The following TMEM230 variants were observed in gnomAD, a reference collection of about 807,000 sequenced individuals.
TMEM230 encodes the protein transmembrane protein 230, also known as UPF0414 transmembrane protein C20orf30.
In TMEM230, 10 loss-of-function variants were observed where a neutral mutation model predicts 15.8. The ratio of observed to expected loss-of-function variants is 0.63; its 90% CI spans 0.39 to 1.07. The LOEUF (loss-of-function observed/expected upper bound fraction) is 1.07. Ranked by LOEUF, TMEM230 falls within the 50% of genes least tolerant of loss-of-function variation. The pLI is 0.01. For synonymous variants in TMEM230, 67 were observed against 76.9 expected (o/e 0.87, Z 0.68); for missense variants, 165 against 193.3 (o/e 0.85, Z 0.87).
chr20:5,088,910 G>A (rs1420358537), intron 3 of TMEM230, among the ~76,000 whole-genome samples: 1 of 152,234 alleles, frequency 6.6e-6, no homozygotes, highest in Non-Finnish European at 1.5e-5. Flanking sequence ...GTTCATCTGA[G>A]TGTGGGTGGG....
chr20:5,084,190 C>T (rs753102068), intron 3 of TMEM230, among the ~76,000 whole-genome samples: 18 of 151,224 alleles, frequency 1.2e-4, no homozygotes, highest in Non-Finnish European at 2.7e-4. Flanking sequence ...AGAACACGAT[C>T]TTATTCTTTT....
chr20:5,113,055 G>A lies in TMEM230; in HGVS notation c.-27C>T, dbSNP rs1441653400. 1.9e-6 allele frequency: 3 copies of A among 1,542,498 alleles called. No homozygotes were observed. In the South Asian group the frequency reaches 3.6e-5, roughly 18 times the overall value. ...GCATGGCCCGCTTAAGTGCCACTCA[G>A]CCGGCCCCAGGCGGGATCAGTGCGC... is the stretch of plus-strand genomic sequence containing the variant. On this transcript the variant is annotated 5_prime_UTR_variant, in exon 1 of 5. Transcript: ENST00000342308.
Position 5,100,756 on chromosome 20 carries a change from T to G in TMEM230, c.*35A>C, listed in dbSNP as rs2089820779. The G allele has an allele frequency of 2.5e-6, 4 of 1,611,008 alleles. No homozygotes were observed. The highest frequency in any genetic ancestry group is 3.4e-6 in the Non-Finnish European group (4 of 1,179,064). Reference sequence around the variant, plus strand: ...CTAGATATCTTAAAGCTGGGACAGTTCCACTGTGACTCCTCCTCAGCTATG... The same window carrying G: ...CTAGATATCTTAAAGCTGGGACAGTGCCACTGTGACTCCTCCTCAGCTATG... On this transcript the variant is annotated 3_prime_UTR_variant, in exon 5 of 5. Transcript: ENST00000342308.
rs564941490 is a variant in TMEM230 at position 5,107,425 on chromosome 20, T to C, written c.289-1115A>G. 8.6e-4 allele frequency among the ~76,000 whole-genome samples: 131 copies of C among 152,190 alleles called. 1 individual carries two copies. The highest frequency in any genetic ancestry group is 3.0e-3 in the African/African-American group (125 of 41,558). On this transcript the variant is annotated intron_variant, in intron 3 of 4. Transcript: ENST00000342308. ...AAAAGGGACTGGCAAGAGATGAAGC[T>C]CTAGTTATTGCTCTCACAGTTACTC... is the stretch of plus-strand genomic sequence containing the variant.
chr20:5,088,484 T>TG (rs1259912973), intron 3 of TMEM230, among the ~76,000 whole-genome samples: 1 of 151,776 alleles, frequency 6.6e-6, no homozygotes, highest in Non-Finnish European at 1.5e-5. Flanking sequence ...AGCAATCAGG[T>TG]GGTTTTTTTA....
intron 3 of TMEM230, among the ~76,000 whole-genome samples, chr20:5,083,817 T>C (rs1411992170): frequency 6.6e-6 from 1 of 152,216 alleles, no homozygotes; most frequent in Non-Finnish European, 1.5e-5. Flanking sequence ...ATAATATTGT[T>C]CAACTAGGTC....
At chr20:5,095,684 C>G (rs2089646572), downstream of TMEM230, among the ~76,000 whole-genome samples, 1 of 152,176 alleles carries the variant, frequency 6.6e-6, no homozygotes, top group Non-Finnish European at 1.5e-5. Context: ...CCCCATCAGT[C>G]AGCGCTTCTC....
intron 4 of TMEM230, among the ~76,000 whole-genome samples, chr20:5,102,771 C>T (rs1335536484): frequency 6.6e-6 from 1 of 150,920 alleles, no homozygotes; most frequent in Non-Finnish European, 1.5e-5. Flanking sequence ...CAAACTGATT[C>T]TACTAGGCCA....
At chr20:5,103,471 G>A (rs145485375) in intron 4 of TMEM230, among the ~76,000 whole-genome samples, 1 of 151,686 alleles carries the variant, frequency 6.6e-6, no homozygotes, top group Non-Finnish European at 1.5e-5. Flanking sequence ...ATCAGCCTGG[G>A]CAACACGGCA....
At chr20:5,096,062 C>T (rs1314510404), downstream of TMEM230, among the ~76,000 whole-genome samples, 4 of 152,316 alleles carry the variant, frequency 2.6e-5, no homozygotes, top group East Asian at 7.7e-4. Context: ...TCACACCCTC[C>T]GTCAGCAGCT....
chr20:5,085,303 T>A (rs943092935), intron 3 of TMEM230, among the ~76,000 whole-genome samples: 5 of 152,152 alleles, frequency 3.3e-5, no homozygotes, highest in Non-Finnish European at 5.9e-5. Flanking sequence ...TTTTCTTTTT[T>A]TTTGAGACAG....
At chr20:5,112,883 G>C in intron 1 of TMEM230, 78 bp downstream of exon 1, 5 of 1,547,772 alleles carry the variant, frequency 3.2e-6, no homozygotes, top group Non-Finnish European at 4.4e-6. Flanking sequence ...GCTTGATTTC[G>C]GCGGGGAGCG....
downstream of TMEM230, among the ~76,000 whole-genome samples, chr20:5,097,644 T>A (rs1026191799): frequency 3.1e-4 from 47 of 152,286 alleles, no homozygotes; most frequent in South Asian, 6.2e-4. Flanking sequence ...TTTTTTGTTT[T>A]ATTATTTTTT....
At chr20:5,108,065 A>G (rs555240886) in intron 3 of TMEM230, among the ~76,000 whole-genome samples, 3 of 151,842 alleles carry the variant, frequency 2.0e-5, no homozygotes, top group African/African-American at 4.8e-5. Flanking sequence ...GTGAGCCAGG[A>G]TTGCACCACT....
chr20:5,063,644 G>C (rs2088626923), downstream of TMEM230, among the ~76,000 whole-genome samples: 1 of 152,096 alleles, frequency 6.6e-6, no homozygotes, highest in South Asian at 2.1e-4. Context: ...CTTTCTTTGA[G>C]GGGGATCGGA....
intron 3 of TMEM230, chr20:5,069,390 T>C (rs1485347464): frequency 5.3e-6 from 8 of 1,508,406 alleles, no homozygotes; most frequent in Non-Finnish European, 7.0e-6. Context: ...CCACAAGTTC[T>C]GCCTCTTCAA....
chr20:5,112,953 C>T lies in TMEM230; in HGVS notation c.68+8G>A. ...TTCTGTCCCCGCCCTGCCGCACACACGCCTTACCGGAGCGCCGCGCCAGGC... is the reference window on the plus strand; with the variant it reads ...TTCTGTCCCCGCCCTGCCGCACACATGCCTTACCGGAGCGCCGCGCCAGGC... On this transcript the variant is annotated splice_region_variant and intron_variant, in intron 1 of 4. Coordinates refer to ENST00000342308, the MANE Select transcript of TMEM230 (RefSeq NM_001009923.2). The T allele has an allele frequency of 6.5e-7, 1 of 1,550,158 alleles. No homozygotes were observed. The highest frequency in any genetic ancestry group is 8.7e-7 in the Non-Finnish European group (1 of 1,146,856).
chr20:5,109,592 A>G, intron 2 of TMEM230, 147 bp from the exon 2 acceptor site: 1 of 655,360 alleles, frequency 1.5e-6, no homozygotes, highest in Non-Finnish European at 2.7e-6. Context: ...CTTCACTGCT[A>G]AATTTTCATT....
rs901904234 is a variant in TMEM230, at chr20:5,082,985, T to C, written c.223-13636A>G. Among the ~76,000 whole-genome samples, 5 of 150,696 alleles carry C rather than the reference T, an allele frequency of 3.3e-5. No homozygotes were observed. The East Asian group carries it at 7.9e-4, about 24-fold the overall frequency. On this transcript the variant is annotated intron_variant, in intron 3 of 3. Transcript: ENST00000612323. Reference sequence around the variant, plus strand: ...TCTTGTCGCCCAGGCTGTAGTGCAATGGCGCGATCTCGGCTCATTGCAACC... The same window carrying C: ...TCTTGTCGCCCAGGCTGTAGTGCAACGGCGCGATCTCGGCTCATTGCAACC...
Sources: gnomAD v4.1 joint callset for allele counts (sites outside exome capture counted in the v4.1 genomes callset) on GRCh38, gnomAD v4.1.1 for gene constraint, MANE v1.5 for transcripts, NCBI Gene and HGNC (gene_info 2026-07-23, HGNC 2026-07-21) for gene names.